CHST3: variants seen among roughly 807,000 people sequenced by gnomAD.
CHST3 encodes the protein carbohydrate sulfotransferase 3.
Under a neutral mutation model 35.4 loss-of-function variants are expected in CHST3, and 20 were observed. The ratio of observed to expected loss-of-function variants is 0.57; its 90% confidence interval spans 0.40 to 0.82. CHST3 has a LOEUF of 0.82. Among genes scored for constraint, CHST3 ranks in the 40% least tolerant of loss-of-function variants. The probability of loss-of-function intolerance (pLI) is 0.00; values close to 1 mark genes in which losing one functional copy is unlikely to be tolerated. For missense variants in CHST3, 693 were observed against 670.1 expected, an observed-to-expected ratio of 1.03 and a Z score of -0.38; for synonymous variants, 334 against 295.9, an observed-to-expected ratio of 1.13 and a Z score of -1.32.
chr10:71,982,073 A>G (rs1257585946), intron 1 of CHST3, among the ~76,000 whole-genome samples: 4 of 152,248 alleles, frequency 2.6e-5, no homozygotes, highest in Non-Finnish European at 2.9e-5. Flanking sequence ...ATGTCCACGT[A>G]TGAGCCACCA....
chr10:72,005,478 T>G (rs1840029419), intron 1 of CHST3, among the ~76,000 whole-genome samples: 1 of 152,226 alleles, frequency 6.6e-6, no homozygotes, highest in Non-Finnish European at 1.5e-5. Flanking sequence ...GGTTATTCTT[T>G]TCCGTGCACA....
chr10:71,995,144 G>A (rs995081123), intron 1 of CHST3, among the ~76,000 whole-genome samples: 1 of 152,076 alleles, frequency 6.6e-6, no homozygotes, highest in African/African-American at 2.4e-5. Flanking sequence ...AACTTTTCCA[G>A]CCGGGTGCGG....
At chr10:71,969,139 G>A (rs1564523167) in intron 1 of CHST3, among the ~76,000 whole-genome samples, 1 of 152,178 alleles carries the variant, frequency 6.6e-6, no homozygotes, top group Non-Finnish European at 1.5e-5. Context: ...CTGGTCCACA[G>A]GAGAGAAGAA....
At chr10:71,966,875 G>GT (rs1055504082) in intron 1 of CHST3, among the ~76,000 whole-genome samples, 2 of 152,114 alleles carry the variant, frequency 1.3e-5, no homozygotes, top group African/African-American at 4.8e-5. Flanking sequence ...TGTGTATTTG[G>GT]TTTTTTTAAA....
rs139139541 is a variant in CHST3, at chr10:71,965,348, G to A, written c.-108+654G>A. On this transcript the variant is annotated intron_variant, in intron 1 of 2. Transcript: ENST00000373115. ...GCCGGCGTGCCAGGGTCTGTGAGCA[G>A]CGTGGAAGAGGCTGGCAGGCCGTTG... Among the ~76,000 whole-genome samples the A allele has an allele frequency of 2.2e-3, 341 of 152,350 alleles. 2 individuals are homozygous for A. The highest frequency in any genetic ancestry group is 6.2e-3 in the East Asian group (32 of 5,188).
chr10:71,997,426 C>G (rs542603364), intron 1 of CHST3, among the ~76,000 whole-genome samples: 1 of 151,688 alleles, frequency 6.6e-6, no homozygotes, highest in Non-Finnish European at 1.5e-5. Context: ...ACCTCCCCCT[C>G]TACCTCTCTG....
intron 1 of CHST3, among the ~76,000 whole-genome samples, chr10:71,982,798 C>T (rs1395191782): frequency 1.3e-5 from 2 of 152,274 alleles, no homozygotes; most frequent in East Asian, 3.9e-4. Flanking sequence ...AAGTTTGTGG[C>T]AATGTGTTAC....
intron 1 of CHST3, among the ~76,000 whole-genome samples, chr10:71,993,627 T>C (rs1362166008): frequency 2.0e-5 from 3 of 152,248 alleles, no homozygotes; most frequent in Admixed American, 1.3e-4. Flanking sequence ...CACTGTCTAT[T>C]GCAGCTATAG....
chr10:71,978,378 AAAC>A (rs1839767965), intron 1 of CHST3, among the ~76,000 whole-genome samples: 1 of 151,818 alleles, frequency 6.6e-6, no homozygotes, highest in Admixed American at 6.6e-5. Flanking sequence ...AAAAAAAAAA[AAAC>A]AAAGTGGCTC....
intron 1 of CHST3, among the ~76,000 whole-genome samples, chr10:71,990,386 G>A (rs189466362): frequency 2.6e-4 from 40 of 151,410 alleles, no homozygotes; most frequent in Admixed American, 6.6e-4. Flanking sequence ...TTTTTGACAC[G>A]GAGTTTTGCT....
intron 1 of CHST3, among the ~76,000 whole-genome samples, chr10:71,974,059 C>G (rs559188079): frequency 6.6e-6 from 1 of 152,318 alleles, no homozygotes; most frequent in South Asian, 2.1e-4. Context: ...TACTGGTACC[C>G]CCCACATGGG....
At chr10:71,979,380 G>GGGGGTTAGATGGCGGGAGA (rs1372801417) in intron 1 of CHST3, among the ~76,000 whole-genome samples, 2 of 152,088 alleles carry the variant, frequency 1.3e-5, no homozygotes, top group Non-Finnish European at 2.9e-5. Flanking sequence ...GTCTCGGGAG[G>GGGGGTTAGATGGCGGGAGA]GGGGTTAGAT....
chr10:72,004,124 C>T (rs543516366), intron 1 of CHST3, among the ~76,000 whole-genome samples: 4 of 152,136 alleles, frequency 2.6e-5, no homozygotes, highest in East Asian at 1.9e-4. Flanking sequence ...GCCAAGATTA[C>T]GCCATTGCAC....
chr10:71,975,648 G>A (rs938236702), intron 1 of CHST3, among the ~76,000 whole-genome samples: 4 of 152,220 alleles, frequency 2.6e-5, no homozygotes, highest in Admixed American at 2.6e-4. Flanking sequence ...GGGGCTCAGG[G>A]GGCGCCTGTC....
chr10:71,977,642 A>G (rs118124945), intron 1 of CHST3, among the ~76,000 whole-genome samples: 4 of 147,836 alleles, frequency 2.7e-5, no homozygotes, highest in Non-Finnish European at 6.0e-5. Context: ...GGGTCTTTCT[A>G]TGTTGCCCAG....
At chr10:71,965,963 G>A (rs1359152256) in intron 1 of CHST3, among the ~76,000 whole-genome samples, 1 of 152,144 alleles carries the variant, frequency 6.6e-6, no homozygotes, top group East Asian at 1.9e-4. Flanking sequence ...CTTCATTTCT[G>A]TATCTGGCTA....
intron 1 of CHST3, among the ~76,000 whole-genome samples, chr10:71,986,873 G>C (rs542547878): frequency 5.3e-4 from 81 of 152,338 alleles, no homozygotes; most frequent in African/African-American, 1.9e-3. Flanking sequence ...ATAATGCCCA[G>C]CCTGTGTGCA....
At chr10:71,995,508 T>C (rs559059023) in intron 1 of CHST3, among the ~76,000 whole-genome samples, 2 of 152,294 alleles carry the variant, frequency 1.3e-5, no homozygotes, top group African/African-American at 4.8e-5. Context: ...TTAGCCTTTC[T>C]GGCTTTCAGC....
chr10:72,005,853 G>C lies in CHST3; in HGVS notation c.11G>C (p.Gly4Ala), dbSNP rs1840033319. 6.2e-7 allele frequency: 1 copy of C among 1,614,102 alleles called. No homozygotes were observed. Among genetic ancestry groups the C allele is most frequent in the African/African-American group, 1.3e-5 (1 of 74,936 alleles). MEK[G>A]LTLPQDCRDF... ...GCCCCACCTTTCCCCATGGAGAAAG[G>C]ACTCACTTTGCCCCAGGACTGCCGG... Residue 4 changes from glycine to alanine, a missense_variant, in exon 2 of 3, where the codon GGA (glycine) becomes GCA (alanine). Transcript: ENST00000373115.
Sources: gnomAD v4.1 joint callset for allele counts (sites outside exome capture counted in the v4.1 genomes callset) on GRCh38, gnomAD v4.1.1 for gene constraint, MANE v1.5 for transcripts, NCBI Gene and HGNC (gene_info 2026-07-23, HGNC 2026-07-21) for gene names.